Variants in ABCA9 observed in about 807,000 individuals in gnomAD.
The protein encoded by ABCA9 is ATP binding cassette subfamily A member 9.
A neutral mutation model predicts 205.3 loss-of-function variants in ABCA9; 183 were observed. That is an observed-to-expected ratio of 0.89 (90% CI 0.79 to 1.01). ABCA9 has a LOEUF of 1.01. Among genes scored for constraint, ABCA9 ranks in the 50% least tolerant of loss-of-function variants. ABCA9 has a pLI of 0.00. For synonymous variants in ABCA9, 651 were observed against 683.3 expected (o/e 0.95, Z 0.74); for missense variants, 1,805 against 1,912.4 (o/e 0.94, Z 1.05).
At position 68,984,228 on chromosome 17, in the gene ABCA9, G is replaced by A; in HGVS notation, c.4380-53C>T. The A allele has an allele frequency of 4.4e-6, 7 of 1,584,326 alleles. No individual in the cohort carries two copies. In the South Asian group the frequency reaches 8.0e-5, roughly 18 times the overall value. ...ACTCATGGGAATGCTCAAGGTATTTGGAATTTTAAAAAGAAGTTTCCATCG... is the reference window on the plus strand; with the variant it reads ...ACTCATGGGAATGCTCAAGGTATTTAGAATTTTAAAAAGAAGTTTCCATCG... On this transcript the variant is annotated intron_variant, in intron 34 of 38. Transcript: ENST00000340001.
chr17:69,029,621 C>T (rs2071097261), intron 10 of ABCA9, among the ~76,000 whole-genome samples: 1 of 152,158 alleles, frequency 6.6e-6, no homozygotes, highest in Non-Finnish European at 1.5e-5. Context: ...GCTTTGGAAT[C>T]TAATCATTAA....
upstream of ABCA9, among the ~76,000 whole-genome samples, chr17:69,064,407 C>A (rs1233416138): frequency 6.6e-6 from 1 of 152,174 alleles, no homozygotes; most frequent in African/African-American, 2.4e-5. Context: ...TCTTTCTCCC[C>A]CATCTTCCTG....
chr17:69,073,367 C>T, the ABCA9 span, among the ~76,000 whole-genome samples: 2 of 152,142 alleles, frequency 1.3e-5, no homozygotes, highest in Non-Finnish European at 2.9e-5. Flanking sequence ...CACTCCTCAG[C>T]AAATGCAAAA....
In ABCA9 at chr17:69,035,382, G is replaced by A. The variant is rs767986919; in HGVS notation, c.992C>T (p.Thr331Met). 108 of 1,604,158 alleles carry A rather than the reference G, an allele frequency of 6.7e-5. No individual in the cohort carries two copies. The highest frequency in any genetic ancestry group is 1.7e-4 in the Middle Eastern group (1 of 6,048). ...MSVLIKKPFL[T>M]GLVVFLLIVF... ...AATAAGGAGAAACACAACCAAGCCC[G>A]TAAGGAAAGGTTTCTTTATCAACAC... The change falls in exon 8 of 39, where the codon ACG becomes ATG. Residue 331 changes from threonine (T) to methionine (M), a missense_variant. Thr to Met is a moderately conservative substitution (Grantham distance 81, BLOSUM62 -1). Transcript: ENST00000340001.
In ABCA9 at chr17:69,044,508, C is replaced by A; in HGVS notation, c.562G>T (p.Ala188Ser). 6.2e-7 allele frequency: 1 copy of A among 1,612,826 alleles called. No individual in the cohort carries two copies. Among genetic ancestry groups the A allele is most frequent in the Non-Finnish European group, 8.5e-7 (1 of 1,179,318 alleles). ...FVAFQAAINAAIIEIATNHSV... is the reference protein window; with the variant it reads ...FVAFQAAINASIIEIATNHSV... ...AACTTTATACTCACTTCTATGATAGCAGCATTAATGGCAGCTTGAAAAGCT... is the reference window on the plus strand; with the variant it reads ...AACTTTATACTCACTTCTATGATAGAAGCATTAATGGCAGCTTGAAAAGCT... Residue 188 changes from alanine to serine, a missense_variant, in exon 5 of 39, where the codon GCT (alanine) becomes TCT (serine). Physicochemically the swap from Ala to Ser is moderately conservative, Grantham distance 99 (BLOSUM62 1). Coordinates refer to ENST00000340001, the MANE Select transcript of ABCA9 (RefSeq NM_080283.4).
chr17:69,031,760 A>G (rs527664987), intron 10 of ABCA9, among the ~76,000 whole-genome samples: 1 of 152,348 alleles, frequency 6.6e-6, no homozygotes, highest in East Asian at 1.9e-4. Flanking sequence ...GGGGGTTGAG[A>G]ATAATAGCAA....
At chr17:69,014,876 TAA>T (rs1222808595) in intron 22 of ABCA9, among the ~76,000 whole-genome samples, 2 of 152,126 alleles carry the variant, frequency 1.3e-5, no homozygotes, top group African/African-American at 4.8e-5. Flanking sequence ...TGCAGCAGCC[TAA>T]AGAGACTCTG....
At chr17:69,003,246 A>T (rs376781534) in intron 25 of ABCA9, among the ~76,000 whole-genome samples, 1 of 151,966 alleles carries the variant, frequency 6.6e-6, no homozygotes, top group African/African-American at 2.4e-5. Context: ...GATTTTGCAG[A>T]GGCTGGTACC....
rs781565554 is a variant in ABCA9, at chr17:69,036,871, C to CAAAAAAAAAAAAAAA, written c.801-1085_801-1071dup. Among the ~76,000 whole-genome samples, 7 of 4,712 alleles carry CAAAAAAAAAAAAAAA rather than the reference C, an allele frequency of 1.5e-3. 2 individuals are homozygous for CAAAAAAAAAAAAAAA. Among genetic ancestry groups the CAAAAAAAAAAAAAAA allele is most frequent in the African/African-American group, 2.4e-3 (4 of 1,682 alleles). The allele number at this position is 4,712 out of a possible 152,430, so 3.1% of individuals were successfully genotyped here. On this transcript the variant is annotated intron_variant, in intron 6 of 38. Coordinates refer to ENST00000340001, the MANE Select transcript of ABCA9 (RefSeq NM_080283.4). ...GAATATTTACCAAGTAAATGGAAAG[C>CAAAAAAAAAAAAAAA]AAAAAAAAAAAAAAAAAAAAAAAAA...
rs527778938 is a variant in ABCA9, at chr17:68,995,226, C to T, written c.3555+669G>A. On this transcript the variant is annotated intron_variant, in intron 26 of 38. Transcript: ENST00000340001. ...GCCATCTGGCACACACCCTTATGAG[C>T]GTCTGAGAAGAGCCTCCAGCACACA... 5.3e-5 allele frequency among the ~76,000 whole-genome samples: 8 copies of T among 152,228 alleles called. 1 individual carries two copies. The highest frequency in any genetic ancestry group is 3.4e-3 in the Middle Eastern group (1 of 294).
At chr17:68,988,956 A>G in intron 31 of ABCA9, 71 bp downstream of exon 31, 3 of 915,934 alleles carry the variant, frequency 3.3e-6, no homozygotes, top group Non-Finnish European at 5.3e-6. Flanking sequence ...GATCAACTAC[A>G]TAGTCTATTA....
At chr17:69,062,700 A>G (rs1223104546), upstream of ABCA9, among the ~76,000 whole-genome samples, 1 of 151,980 alleles carries the variant, frequency 6.6e-6, no homozygotes, top group Non-Finnish European at 1.5e-5. Context: ...TTTAGTAGAG[A>G]AGGGGTTTCA....
At chr17:69,072,183 A>G in the ABCA9 span, among the ~76,000 whole-genome samples, 35 of 152,288 alleles carry the variant, frequency 2.3e-4, 1 homozygote, top group East Asian at 6.2e-3. Context: ...CGGGATATTA[A>G]CCAGGAGAAC....
At chr17:69,006,130 T>G (rs1468648420) in intron 25 of ABCA9, among the ~76,000 whole-genome samples, 1 of 152,260 alleles carries the variant, frequency 6.6e-6, no homozygotes, top group East Asian at 1.9e-4. Context: ...TGGTATTTTA[T>G]TTTAGTTTCT....
intron 19 of ABCA9, among the ~76,000 whole-genome samples, chr17:69,019,411 AT>A (rs1272895016): frequency 3.3e-5 from 5 of 152,080 alleles, no homozygotes; most frequent in Non-Finnish European, 5.9e-5. Flanking sequence ...ATTAACTCAG[AT>A]TAATAGTTCT....
chr17:69,028,339 AT>A (rs1449291607), intron 12 of ABCA9, among the ~76,000 whole-genome samples, 195 bp downstream of exon 12: 2 of 151,896 alleles, frequency 1.3e-5, no homozygotes, highest in East Asian at 3.9e-4. Flanking sequence ...GCTAATTTTT[AT>A]ATTTTTAGTA....
chr17:69,010,815 C>G (rs747494489), intron 23 of ABCA9, among the ~76,000 whole-genome samples: 1 of 152,036 alleles, frequency 6.6e-6, no homozygotes, highest in Non-Finnish European at 1.5e-5. Context: ...AAAGAGACAA[C>G]GATAATGCGA....
intron 1 of ABCA9, among the ~76,000 whole-genome samples, chr17:69,059,644 G>A (rs1430528313): frequency 4.1e-5 from 6 of 148,066 alleles, no homozygotes; most frequent in African/African-American, 1.5e-4. Context: ...ACTCTGTTTT[G>A]TTCTAAACCA....
Position 69,027,025 on chromosome 17 carries a change from T to C in ABCA9, c.2001A>G (p.Arg667=). ...TAAACTGGGTGCTGAAGAGAATTAC[T>C]CTGTCTGATTTCCCCTCTTTCAGGA... ...WNLLKEGKSD[R]VILFSTQFID... is the part of the protein sequence containing the mutation. The change falls in exon 15 of 39, where the codon AGA becomes AGG. Residue 667 remains arginine, a synonymous_variant. Coordinates refer to ENST00000340001, the MANE Select transcript of ABCA9 (RefSeq NM_080283.4). 1 of 1,614,140 alleles carries C rather than the reference T, an allele frequency of 6.2e-7. No homozygotes were observed.
Sources: gnomAD v4.1 joint callset for allele counts (sites outside exome capture counted in the v4.1 genomes callset) on GRCh38, gnomAD v4.1.1 for gene constraint, MANE v1.5 for transcripts, NCBI Gene and HGNC (gene_info 2026-07-23, HGNC 2026-07-21) for gene names.